Variants in TRRAP observed in about 807,000 individuals in gnomAD.
TRRAP encodes transformation/transcription domain associated protein, also known as transformation/transcription domain-associated protein.
In TRRAP, 41 loss-of-function variants were observed where a neutral mutation model predicts 438.8. The observed-to-expected ratio is 0.09, with a 90% CI of 0.07 to 0.12. The LOEUF is 0.12. Among genes scored for constraint, TRRAP ranks in the 10% least tolerant of loss-of-function variants. The pLI is 1.00. For missense variants in TRRAP, 3,122 were observed against 5,055.1 expected, an observed-to-expected ratio of 0.62 and a Z score of 11.60; for synonymous variants, 1,994 against 1,962.9, an observed-to-expected ratio of 1.02 and a Z score of -0.42.
At position 98,981,943 on chromosome 7, in the gene TRRAP, C is replaced by T; in HGVS notation, c.8809C>T (p.His2937Tyr). The T allele has an allele frequency of 6.2e-7, 1 of 1,600,908 alleles. No homozygotes were observed. The highest frequency in any genetic ancestry group is 8.5e-7 in the Non-Finnish European group (1 of 1,175,124). Residue 2937 changes from histidine to tyrosine, a missense_variant, in exon 59 of 73, where the codon CAC (histidine) becomes TAC (tyrosine). Around this residue, in one of 24 missense-constraint regions of TRRAP, gnomAD observed 992 missense variants for 1,281.2 expected, o/e 0.77. Transcript: ENST00000456197. ...GCTGCCCCACGTAGTGTCCCACGTGCACACGCCTCTCCTACAGGTGCGTGC... is the reference window on the plus strand; with the variant it reads ...GCTGCCCCACGTAGTGTCCCACGTGTACACGCCTCTCCTACAGGTGCGTGC... ...RRLPHVVSHV[H>Y]TPLLQAAQQI... is the part of the protein sequence containing the mutation.
At chr7:98,927,491 T>C (rs879983115) in intron 23 of TRRAP, 125 bp downstream of exon 23, 9 of 1,263,028 alleles carry the variant, frequency 7.1e-6, no homozygotes, top group Non-Finnish European at 8.6e-6. Context: ...TTTTCGGCTT[T>C]TATTTTCCAA....
chr7:99,003,000 G>A (rs914367518), intron 67 of TRRAP, among the ~76,000 whole-genome samples: 3 of 152,180 alleles, frequency 2.0e-5, no homozygotes, highest in Non-Finnish European at 2.9e-5. Context: ...GTTCAGCGGC[G>A]TGCTCCAAGG....
Position 98,993,762 on chromosome 7 carries a change from G to C in TRRAP, c.10047+25G>C, listed in dbSNP as rs574234579. 271 of 1,612,330 alleles carry C rather than the reference G, an allele frequency of 1.7e-4. 1 individual carries two copies. The Middle Eastern group carries it at 2.0e-3, about 12-fold the overall frequency. ...GGTATTTGGCTCTGATCTTGCACATGGTGGCTCCTTGTAGAGGGGACGTGG... is the reference window on the plus strand; with the variant it reads ...GGTATTTGGCTCTGATCTTGCACATCGTGGCTCCTTGTAGAGGGGACGTGG... On this transcript the variant is annotated intron_variant, in intron 66 of 72. Coordinates refer to ENST00000456197, the MANE Select transcript of TRRAP (RefSeq NM_001375524.1).
At position 98,937,691 on chromosome 7, in the gene TRRAP, A is replaced by G. The variant is rs782358677; in HGVS notation, c.4275A>G (p.Thr1425=). Residue 1425 remains threonine (T), a synonymous_variant, in exon 30 of 73, where the codon ACA becomes ACG. Coordinates refer to ENST00000456197, the MANE Select transcript of TRRAP (RefSeq NM_001375524.1). ...CCATAGAAGTCGATCAAATCCACAC[A>G]CATATGCGACCTTTGCTGATGATGC... ...GATIEVDQIH[T]HMRPLLMMLG... The G allele has an allele frequency of 6.8e-6, 11 of 1,613,482 alleles. No homozygotes were observed. The highest frequency in any genetic ancestry group is 6.7e-5 in the African/African-American group (5 of 74,890).
At chr7:98,888,117 C>T (rs1299393706) in intron 3 of TRRAP, among the ~76,000 whole-genome samples, 5 of 152,094 alleles carry the variant, frequency 3.3e-5, no homozygotes, top group Non-Finnish European at 7.3e-5. Flanking sequence ...GTAGTCCCAG[C>T]TACTTGGGAG....
Position 99,005,041 on chromosome 7 carries a change from G to A in TRRAP, c.10536-90G>A, listed in dbSNP as rs1056238121. 33 of 1,355,692 alleles carry A rather than the reference G, an allele frequency of 2.4e-5. No individual in the cohort carries two copies. Among genetic ancestry groups the A allele is most frequent in the South Asian group, 2.3e-4 (19 of 82,498 alleles). The allele number at this position is 1,355,692 out of a possible 1,614,324, so 84.0% of individuals were successfully genotyped here. A position where few individuals can be genotyped will look rare whatever the true frequency, so the allele number is the denominator to read the frequency against. On this transcript the variant is annotated intron_variant, in intron 68 of 72. Coordinates refer to ENST00000456197, the MANE Select transcript of TRRAP (RefSeq NM_001375524.1). The surrounding 1 kb of genome is among the most constrained non-coding windows in gnomAD (Gnocchi z 5.1). Reference sequence around the variant, plus strand: ...GCTGGCCTACACAGTCCGTTTTCCCGTGACAGTTCGGACATTCCTAGCTTC... The same window carrying A: ...GCTGGCCTACACAGTCCGTTTTCCCATGACAGTTCGGACATTCCTAGCTTC...
At chr7:98,989,003 C>G (rs936459307) in intron 63 of TRRAP, 37 bp downstream of exon 63, 35 of 1,588,738 alleles carry the variant, frequency 2.2e-5, no homozygotes, top group Non-Finnish European at 3.0e-5. Context: ...CAGAGGCCAT[C>G]TGTCACCTTC....
rs752797046 is a variant in TRRAP, at chr7:99,011,054, C to G, written c.10941C>G (p.Val3647=). 2 of 1,612,942 alleles carry G rather than the reference C, an allele frequency of 1.2e-6. No individual in the cohort carries two copies. The highest frequency in any genetic ancestry group is 2.2e-5 in the South Asian group (2 of 91,026). ...TGTCACGGAGCGCTGTGTTTCAGGT[C>G]CTCCGCGACATCCTCAAGGAGGTTC... is the stretch of plus-strand genomic sequence containing the variant. ...QARGTQASHQ[V]LRDILKEVQS... is the part of the protein sequence containing the mutation. The change falls in exon 71 of 73, where the codon GTC becomes GTG. Residue 3647 remains valine, a splice_region_variant and synonymous_variant. Coordinates refer to ENST00000456197, the MANE Select transcript of TRRAP (RefSeq NM_001375524.1). The surrounding 1 kb of genome is among the most constrained non-coding windows in gnomAD (Gnocchi z 7.1).
At chr7:98,993,152 AT>A (rs953315807) in intron 65 of TRRAP, among the ~76,000 whole-genome samples, 1 of 152,166 alleles carries the variant, frequency 6.6e-6, no homozygotes. Context: ...ATTGTGAGAT[AT>A]TTTTCCAAAC....
In TRRAP at chr7:98,959,393, G is replaced by A. The variant is rs199540746; in HGVS notation, c.6392G>A (p.Arg2131His). 3.0e-5 allele frequency: 48 copies of A among 1,614,050 alleles called. No individual in the cohort carries two copies. Among genetic ancestry groups the A allele is most frequent in the Non-Finnish European group, 3.6e-5 (43 of 1,180,022 alleles). ...GGGTCCCCTGGGGAGGTGCTCTCTC[G>A]CCGGTGTGTGAACCTTCTGAAGACT... ...TAGSPGEVLS[R>H]RCVNLLKTAL... Residue 2131 changes from arginine to histidine, a missense_variant, in exon 45 of 73, where the codon CGC (arginine) becomes CAC (histidine). Arg to His is a conservative substitution (Grantham distance 29). Around this residue, in one of 24 missense-constraint regions of TRRAP, gnomAD observed 992 missense variants for 1,281.2 expected, o/e 0.77. Transcript: ENST00000456197.
At chr7:98,953,106 A>C (rs1791418409) in intron 39 of TRRAP, 61 bp from the exon 40 acceptor site, 5 of 1,575,910 alleles carry the variant, frequency 3.2e-6, no homozygotes, top group East Asian at 2.3e-5. Flanking sequence ...CTGTCGTATG[A>C]CCCTCAGTCA....
At chr7:98,915,200 T>C (rs1451939981) in intron 18 of TRRAP, among the ~76,000 whole-genome samples, 2 of 149,778 alleles carry the variant, frequency 1.3e-5, no homozygotes, top group Non-Finnish European at 3.0e-5. Flanking sequence ...TGTAGGTTAC[T>C]TTTTTTTTTG....
In TRRAP at chr7:98,888,674, C is replaced by G. The variant is rs114415342; in HGVS notation, c.151-1661C>G. Among the ~76,000 whole-genome samples the G allele has an allele frequency of 6.1e-3, 923 of 152,280 alleles. 7 individuals are homozygous for G. Among genetic ancestry groups the G allele is most frequent in the African/African-American group, 0.021 (884 of 41,556 alleles). On this transcript the variant is annotated intron_variant, in intron 3 of 72. Transcript: ENST00000456197. ...TGTGCTTTTCTTAGAATCTTCTTTT[C>G]TACCTTTTCATGGGTAGCTCCTACT...
chr7:99,000,597 G>A (rs537940894), intron 67 of TRRAP, among the ~76,000 whole-genome samples: 8 of 152,360 alleles, frequency 5.3e-5, no homozygotes, highest in East Asian at 3.9e-4. Context: ...CACTGCCGCC[G>A]TCTCCAGCAC....
intron 20 of TRRAP, among the ~76,000 whole-genome samples, chr7:98,919,244 G>A (rs1554410079): frequency 1.3e-5 from 2 of 152,124 alleles, no homozygotes; most frequent in African/African-American, 2.4e-5. Flanking sequence ...CTGAGTTTGA[G>A]GTTGGGATAT....
At chr7:98,973,001 A>G (rs1372889532) in intron 53 of TRRAP, among the ~76,000 whole-genome samples, 1 of 152,044 alleles carries the variant, frequency 6.6e-6, no homozygotes, top group East Asian at 1.9e-4. Context: ...TTTGTGTGAG[A>G]CAGGGTCTCA....
At chr7:98,926,720 G>C (rs894087737) in intron 22 of TRRAP, among the ~76,000 whole-genome samples, 2 of 151,476 alleles carry the variant, frequency 1.3e-5, no homozygotes, top group Non-Finnish European at 2.9e-5. Flanking sequence ...CACTCAGAGG[G>C]AAACTTACAG....
intron 18 of TRRAP, among the ~76,000 whole-genome samples, chr7:98,913,224 A>AGTTTGAACTG (rs1789359862): frequency 1.3e-5 from 2 of 152,074 alleles, no homozygotes; most frequent in African/African-American, 4.8e-5. Flanking sequence ...AAGCTGAACC[A>AGTTTGAACTG]GTTTGAACTG....
chr7:98,972,432 T>C lies in TRRAP; in HGVS notation c.7839+487T>C, dbSNP rs1457379319. 3.9e-5 allele frequency among the ~76,000 whole-genome samples: 6 copies of C among 152,280 alleles called. No individual in the cohort carries two copies. In the East Asian group the frequency reaches 1.2e-3, roughly 29 times the overall value. ...AAACGGTAAAACCGTGTACAAAAAA[T>C]GTGTGAGGAGACATAATAATGTTGG... On this transcript the variant is annotated intron_variant, in intron 53 of 72. Coordinates refer to ENST00000456197, the MANE Select transcript of TRRAP (RefSeq NM_001375524.1).
Sources: gnomAD v4.1 joint callset for allele counts (sites outside exome capture counted in the v4.1 genomes callset) on GRCh38, gnomAD v4.1.1 for gene constraint, gnomAD v4.1.1 regional missense constraint, Gnocchi (gnomAD v3.1) non-coding constraint, MANE v1.5 for transcripts, NCBI Gene and HGNC (gene_info 2026-07-23, HGNC 2026-07-21) for gene names.